The following HPSE2 variants were observed in gnomAD, a reference collection of about 807,000 sequenced individuals.
The protein encoded by HPSE2 is inactive heparanase-2.
Under a neutral mutation model 60.5 loss-of-function variants are expected in HPSE2, and 38 were observed. The ratio of observed to expected loss-of-function variants is 0.63; its 90% CI spans 0.48 to 0.82. The LOEUF (loss-of-function observed/expected upper bound fraction) is 0.82, where lower values mean the gene tolerates loss of function less well. Ranked by LOEUF, HPSE2 falls within the 40% of genes least tolerant of loss-of-function variation. The pLI is 0.00. For synonymous variants in HPSE2, 295 were observed against 293.2 expected, an observed-to-expected ratio of 1.01 and a Z score of -0.06; for missense variants, 713 against 740.4, an observed-to-expected ratio of 0.96 and a Z score of 0.43.
chr10:98,926,387 A>G (rs1255479242), intron 3 of HPSE2, among the ~76,000 whole-genome samples: 1 of 152,204 alleles, frequency 6.6e-6, no homozygotes, highest in African/African-American at 2.4e-5. Flanking sequence ...ACAGAGCTCA[A>G]CTGAGGGAAG....
intron 9 of HPSE2, among the ~76,000 whole-genome samples, chr10:98,565,999 C>T (rs1944332270): frequency 6.6e-6 from 1 of 152,124 alleles, no homozygotes; most frequent in South Asian, 2.1e-4. Flanking sequence ...CCAACATGCT[C>T]CCCTCCAGGC....
At chr10:99,271,771 C>T in the HPSE2 span, among the ~76,000 whole-genome samples, 1 of 152,136 alleles carries the variant, frequency 6.6e-6, no homozygotes, top group East Asian at 1.9e-4. Flanking sequence ...GCCACCAAAA[C>T]TGCATGGTTC....
chr10:99,116,595 T>C (rs1447877493), intron 3 of HPSE2, among the ~76,000 whole-genome samples: 1 of 152,132 alleles, frequency 6.6e-6, no homozygotes, highest in East Asian at 1.9e-4. Flanking sequence ...CTGCCATATA[T>C]AAGTAGTCCC....
intron 5 of HPSE2, among the ~76,000 whole-genome samples, chr10:98,695,416 G>A (rs1263391174): frequency 6.6e-6 from 1 of 152,218 alleles, no homozygotes; most frequent in Non-Finnish European, 1.5e-5. Flanking sequence ...GAATGATCGA[G>A]GAATAGAACT....
intron 6 of HPSE2, among the ~76,000 whole-genome samples, chr10:98,648,806 T>C (rs568834026): frequency 7.8e-4 from 119 of 152,286 alleles, no homozygotes; most frequent in African/African-American, 2.8e-3. Flanking sequence ...TAAGTATTTA[T>C]ATCAAATGAC....
At chr10:99,088,678 T>C (rs1843410479) in intron 3 of HPSE2, among the ~76,000 whole-genome samples, 1 of 152,202 alleles carries the variant, frequency 6.6e-6, no homozygotes, top group Admixed American at 6.5e-5. Context: ...TGTGCAAGTA[T>C]CTTTTTCGTA....
At chr10:98,471,566 T>C (rs1348181983) in intron 11 of HPSE2, among the ~76,000 whole-genome samples, 1 of 152,192 alleles carries the variant, frequency 6.6e-6, no homozygotes, top group African/African-American at 2.4e-5. Context: ...AAGGAAGATA[T>C]GAACTTTCCA....
At chr10:98,636,175 G>A (rs1267035119) in intron 7 of HPSE2, among the ~76,000 whole-genome samples, 5 of 151,846 alleles carry the variant, frequency 3.3e-5, no homozygotes, top group East Asian at 1.9e-4. Flanking sequence ...AGAAGATTTC[G>A]AATGTTCCCA....
upstream of HPSE2, among the ~76,000 whole-genome samples, chr10:99,239,500 G>A (rs1849911905): frequency 6.9e-6 from 1 of 144,924 alleles, no homozygotes; most frequent in Non-Finnish European, 1.5e-5. Flanking sequence ...CACGATCTCG[G>A]CTCACTGCAA....
At position 99,066,664 on chromosome 10, in the gene HPSE2, G is replaced by A. The variant is rs139788485; in HGVS notation, c.610+77574C>T. ...GAGAACAGTATGGGGGAAACTGCCC[G>A]CATGATTCCATTATCTCCACCTGGT... On this transcript the variant is annotated intron_variant, in intron 3 of 11. Coordinates refer to ENST00000370552, the MANE Select transcript of HPSE2 (RefSeq NM_021828.5). Among the ~76,000 whole-genome samples, 472 of 152,170 alleles carry A rather than the reference G, an allele frequency of 3.1e-3. 3 individuals are homozygous for A. The highest frequency in any genetic ancestry group is 0.011 in the African/African-American group (447 of 41,516).
At chr10:98,879,105 A>G (rs1348034898) in intron 3 of HPSE2, among the ~76,000 whole-genome samples, 1 of 152,040 alleles carries the variant, frequency 6.6e-6, no homozygotes, top group East Asian at 1.9e-4. Context: ...CATGCCTGTG[A>G]AATATCCTAG....
chr10:98,906,740 C>T (rs1953827882), intron 3 of HPSE2, among the ~76,000 whole-genome samples: 1 of 152,070 alleles, frequency 6.6e-6, no homozygotes, highest in Non-Finnish European at 1.5e-5. Context: ...CCCGTCTCTG[C>T]TAAAAGTGCA....
chr10:98,595,971 G>A (rs1327325601), intron 9 of HPSE2, among the ~76,000 whole-genome samples: 1 of 151,920 alleles, frequency 6.6e-6, no homozygotes, highest in African/African-American at 2.4e-5. Flanking sequence ...TATGTTTTTT[G>A]TCCTTCATTC....
At chr10:98,632,470 A>G (rs1313668836) in intron 7 of HPSE2, among the ~76,000 whole-genome samples, 1 of 152,194 alleles carries the variant, frequency 6.6e-6, no homozygotes, top group Non-Finnish European at 1.5e-5. Flanking sequence ...ATTAAGGTTC[A>G]TGGAATGACA....
At chr10:98,944,648 G>T (rs566149749) in intron 3 of HPSE2, among the ~76,000 whole-genome samples, 2 of 152,188 alleles carry the variant, frequency 1.3e-5, no homozygotes, top group East Asian at 3.9e-4. Context: ...GGGGAGAAGG[G>T]ATTAGAAAGG....
chr10:99,029,530 G>A (rs904925857), intron 3 of HPSE2, among the ~76,000 whole-genome samples: 1 of 152,206 alleles, frequency 6.6e-6, no homozygotes, highest in Non-Finnish European at 1.5e-5. Flanking sequence ...CATCTCCAAT[G>A]ATAGGTAAGG....
At chr10:99,137,142 T>C (rs1177963501) in intron 3 of HPSE2, among the ~76,000 whole-genome samples, 1 of 152,148 alleles carries the variant, frequency 6.6e-6, no homozygotes, top group African/African-American at 2.4e-5. Context: ...CCATTCACAA[T>C]TGCTACTAAG....
intron 3 of HPSE2, among the ~76,000 whole-genome samples, chr10:98,984,678 A>G (rs1956293616): frequency 6.6e-6 from 1 of 152,220 alleles, no homozygotes; most frequent in Non-Finnish European, 1.5e-5. Flanking sequence ...AAGGCTTCAG[A>G]CGATCAAACT....
intron 9 of HPSE2, among the ~76,000 whole-genome samples, chr10:98,558,828 A>G (rs1380158060): frequency 6.6e-6 from 1 of 152,218 alleles, no homozygotes; most frequent in Non-Finnish European, 1.5e-5. Context: ...TCACCAAAAA[A>G]TACATATTTC....
Sources: allele counts gnomAD v4.1 joint callset (sites outside exome capture counted in the v4.1 genomes callset), GRCh38; gene constraint gnomAD v4.1.1; transcripts MANE v1.5; gene names NCBI Gene and HGNC (gene_info 2026-07-23, HGNC 2026-07-21).